The following LOC400499 variants were observed in gnomAD, a reference collection of about 807,000 sequenced individuals.
At chr16:11,458,849 A>T in the LOC400499 span, among the ~76,000 whole-genome samples, 11 of 152,008 alleles carry the variant, frequency 7.2e-5, no homozygotes, top group Admixed American at 7.2e-4. Flanking sequence ...AGCCTGGCCA[A>T]CATGGAGAAA....
chr16:11,483,770 G>C, the LOC400499 span, among the ~76,000 whole-genome samples: 2 of 151,576 alleles, frequency 1.3e-5, no homozygotes, highest in African/African-American at 4.8e-5. Context: ...AGCTACTCCG[G>C]AAGCTGAGGT....
At chr16:11,494,728 G>A in the LOC400499 span, 3 of 399,154 alleles carry the variant, frequency 7.5e-6, no homozygotes, top group African/African-American at 2.1e-5. Context: ...CCAGGAAGGC[G>A]CCAGGGCTGG....
At chr16:11,462,557 G>T in the LOC400499 span, 1 of 428,110 alleles carries the variant, frequency 2.3e-6, no homozygotes, top group African/African-American at 2.2e-5. Context: ...AGCCTCCCTG[G>T]GATTACAGTC....
the LOC400499 span, chr16:11,478,421 G>A: frequency 2.5e-6 from 1 of 397,922 alleles, no homozygotes; most frequent in Non-Finnish European, 4.4e-6. Flanking sequence ...GAGGTAAACG[G>A]AAGAGCTGGG....
At chr16:11,376,301 T>C in the LOC400499 span, among the ~76,000 whole-genome samples, 4 of 152,250 alleles carry the variant, frequency 2.6e-5, no homozygotes, top group South Asian at 8.3e-4. Context: ...GTTTTAAGAG[T>C]TGTATAGTTT....
At chr16:11,508,487 C>T in the LOC400499 span, among the ~76,000 whole-genome samples, 1 of 152,248 alleles carries the variant, frequency 6.6e-6, no homozygotes, top group Non-Finnish European at 1.5e-5. Flanking sequence ...GGCTTCCCCT[C>T]TGCTCACATC....
chr16:11,386,565 G>A, the LOC400499 span, among the ~76,000 whole-genome samples: 2 of 152,276 alleles, frequency 1.3e-5, no homozygotes, highest in Admixed American at 6.5e-5. Context: ...AGACATGAGG[G>A]GCTCCCCCTG....
the LOC400499 span, chr16:11,383,807 C>T: frequency 7.3e-6 from 9 of 1,232,166 alleles, no homozygotes; most frequent in East Asian, 1.3e-4. Flanking sequence ...CACCGAGTCA[C>T]TGTCCACACC....
At chr16:11,502,937 T>TTTTTTC in the LOC400499 span, among the ~76,000 whole-genome samples, 1 of 146,244 alleles carries the variant, frequency 6.8e-6, no homozygotes, top group African/African-American at 2.6e-5. Context: ...TTTTTTTTTT[T>TTTTTTC]AAGAGACAGG....
the LOC400499 span, chr16:11,514,397 CTGAG>C: frequency 2.5e-6 from 1 of 399,162 alleles, no homozygotes; most frequent in Non-Finnish European, 4.4e-6. Flanking sequence ...GTGCAGCAGA[CTGAG>C]TGAGGAGAGG....
At chr16:11,523,212 T>C in the LOC400499 span, among the ~76,000 whole-genome samples, 1 of 152,348 alleles carries the variant, frequency 6.6e-6, no homozygotes, top group African/African-American at 2.4e-5. Flanking sequence ...CATTTTACTC[T>C]GAGCTTGCTA....
the LOC400499 span, among the ~76,000 whole-genome samples, chr16:11,437,550 C>T: frequency 6.6e-6 from 1 of 152,012 alleles, no homozygotes; most frequent in Non-Finnish European, 1.5e-5. Context: ...CAGAGTAAGA[C>T]CCTGTCTTAA....
the LOC400499 span, among the ~76,000 whole-genome samples, chr16:11,382,791 CAG>C: frequency 3.3e-5 from 5 of 152,102 alleles, no homozygotes; most frequent in African/African-American, 2.4e-5. Flanking sequence ...GCCTGGGTGA[CAG>C]AGTGAGACTG....
At chr16:11,410,446 T>C in the LOC400499 span, among the ~76,000 whole-genome samples, 3 of 149,420 alleles carry the variant, frequency 2.0e-5, no homozygotes, top group Admixed American at 1.4e-4. Context: ...AAAGAGAGAC[T>C]GTGTCTCAAA....
At chr16:11,458,759 G>C in the LOC400499 span, among the ~76,000 whole-genome samples, 1 of 152,062 alleles carries the variant, frequency 6.6e-6, no homozygotes, top group East Asian at 1.9e-4. Flanking sequence ...AATATGGCCG[G>C]GTGTGGTGGC....
chr16:11,508,537 G>C, the LOC400499 span, among the ~76,000 whole-genome samples: 1 of 152,246 alleles, frequency 6.6e-6, no homozygotes, highest in East Asian at 1.9e-4. Flanking sequence ...ACGCCATCTA[G>C]ATTTCCTTGC....
chr16:11,450,414 T>G, the LOC400499 span, among the ~76,000 whole-genome samples: 1 of 152,258 alleles, frequency 6.6e-6, no homozygotes, highest in Non-Finnish European at 1.5e-5. Flanking sequence ...AATCTAGATT[T>G]TCTTTTTTTA....
the LOC400499 span, chr16:11,385,360 C>G: frequency 8.1e-7 from 1 of 1,232,246 alleles, no homozygotes. Context: ...GTGCTGAGGT[C>G]CCATACCCGG....
At chr16:11,436,216 G>A in the LOC400499 span, among the ~76,000 whole-genome samples, 6 of 152,202 alleles carry the variant, frequency 3.9e-5, no homozygotes, top group Non-Finnish European at 5.9e-5. Context: ...TCGTGCTGGT[G>A]CCTGAAGGGG....
Sources: gnomAD v4.1 joint callset for allele counts (sites outside exome capture counted in the v4.1 genomes callset) on GRCh38, gnomAD v4.1.1 for gene constraint, MANE v1.5 for transcripts.